The following MGMT variants were observed in gnomAD, a reference collection of about 807,000 sequenced individuals.
MGMT encodes methylated-DNA--protein-cysteine methyltransferase.
MGMT carries 14 observed loss-of-function variants against 15.9 expected under a neutral mutation model. The observed-to-expected ratio is 0.88, with a 90% CI of 0.58 to 1.37. The LOEUF (loss-of-function observed/expected upper bound fraction) is 1.37. Among genes scored for constraint, MGMT ranks in the 40% most tolerant of loss-of-function variants. MGMT has a pLI of 0.00. For missense variants in MGMT, 282 were observed against 268.1 expected, an observed-to-expected ratio of 1.05 and a Z score of -0.36; for synonymous variants, 130 against 118.2, an observed-to-expected ratio of 1.10 and a Z score of -0.65.
chr10:129,612,350 A>G (rs1365236957), intron 2 of MGMT, among the ~76,000 whole-genome samples: 3 of 152,232 alleles, frequency 2.0e-5, no homozygotes, highest in East Asian at 1.9e-4. Flanking sequence ...ATAGCGAAGC[A>G]TATCCAACCC....
chr10:129,626,161 C>T (rs971548999), intron 2 of MGMT, among the ~76,000 whole-genome samples: 2 of 152,138 alleles, frequency 1.3e-5, no homozygotes, highest in Non-Finnish European at 2.9e-5. Flanking sequence ...AACTGCTCCG[C>T]GCTTGGGAAG....
chr10:129,674,083 G>A (rs973577789), intron 2 of MGMT, among the ~76,000 whole-genome samples: 4 of 152,154 alleles, frequency 2.6e-5, no homozygotes, highest in South Asian at 4.1e-4. Flanking sequence ...TCTACAGGAA[G>A]TTGTTGCCAC....
chr10:129,739,144 G>A (rs1201029811), intron 3 of MGMT, among the ~76,000 whole-genome samples: 3 of 152,136 alleles, frequency 2.0e-5, no homozygotes, highest in East Asian at 3.9e-4. Context: ...AGGTATTGAC[G>A]GAACGTATCT....
chr10:129,567,466 CG>C (rs1846369592), intron 2 of MGMT, among the ~76,000 whole-genome samples: 1 of 151,948 alleles, frequency 6.6e-6, no homozygotes, highest in African/African-American at 2.4e-5. Flanking sequence ...GGGGTCCCGG[CG>C]AGAAAGAGCC....
intron 1 of MGMT, among the ~76,000 whole-genome samples, chr10:129,517,228 A>T (rs1024397323): frequency 5.9e-5 from 9 of 152,062 alleles, no homozygotes; most frequent in African/African-American, 1.7e-4. Context: ...TTCTGAATGG[A>T]CCTCAGAGGT....
At chr10:129,485,765 G>C (rs931739558) in intron 1 of MGMT, among the ~76,000 whole-genome samples, 1 of 152,208 alleles carries the variant, frequency 6.6e-6, no homozygotes, top group Non-Finnish European at 1.5e-5. Context: ...GCTCTGTCAT[G>C]GCTAGAAGTG....
chr10:129,675,571 C>T (rs556972712), intron 2 of MGMT, among the ~76,000 whole-genome samples: 26 of 152,110 alleles, frequency 1.7e-4, no homozygotes, highest in Non-Finnish European at 2.8e-4. Flanking sequence ...AGCAGGAAGC[C>T]AGGAGTGGCG....
intron 3 of MGMT, among the ~76,000 whole-genome samples, chr10:129,732,610 G>C (rs1249640246): frequency 3.3e-5 from 5 of 150,372 alleles, no homozygotes; most frequent in Non-Finnish European, 7.4e-5. Flanking sequence ...ATAATGTGCA[G>C]GTTAGTTACA....
chr10:129,572,162 G>A (rs544376063), intron 2 of MGMT, among the ~76,000 whole-genome samples: 62 of 152,162 alleles, frequency 4.1e-4, no homozygotes, highest in African/African-American at 1.5e-3. Flanking sequence ...TTAAATAAAC[G>A]GCTTTGATGT....
At chr10:129,731,091 C>A (rs150467789) in intron 3 of MGMT, among the ~76,000 whole-genome samples, 17 of 152,242 alleles carry the variant, frequency 1.1e-4, no homozygotes, top group Non-Finnish European at 2.2e-4. Context: ...GGTCCATTTC[C>A]GAGGGCTGGT....
At chr10:129,473,302 G>C (rs1184052724) in intron 1 of MGMT, among the ~76,000 whole-genome samples, 2 of 152,192 alleles carry the variant, frequency 1.3e-5, no homozygotes, top group Non-Finnish European at 1.5e-5. Context: ...GTGGAAATGG[G>C]CCTTATTTTT....
At chr10:129,650,750 C>T (rs1367263662) in intron 2 of MGMT, among the ~76,000 whole-genome samples, 1 of 152,284 alleles carries the variant, frequency 6.6e-6, no homozygotes, top group East Asian at 1.9e-4. Context: ...TTCTCGGTCA[C>T]ACACTGTGAA....
Position 129,594,653 on chromosome 10 carries a change from G to A in MGMT, c.125+58276G>A, listed in dbSNP as rs565619417. Among the ~76,000 whole-genome samples the A allele has an allele frequency of 6.6e-5, 10 of 152,284 alleles. No individual in the cohort carries two copies. The South Asian group carries it at 1.9e-3, about 28-fold the overall frequency. ...AAATTGTTCCCATCAGCTCCAGCGC[G>A]TGAAAGACAATACGAACAGTAACAC... On this transcript the variant is annotated intron_variant, in intron 2 of 4. Coordinates refer to ENST00000651593, the MANE Select transcript of MGMT (RefSeq NM_002412.5).
chr10:129,731,643 C>G (rs1848499317), intron 3 of MGMT, among the ~76,000 whole-genome samples: 1 of 152,100 alleles, frequency 6.6e-6, no homozygotes, highest in Admixed American at 6.6e-5. Context: ...ATCCACCTGC[C>G]TCGGCCTCCC....
At chr10:129,545,753 T>A (rs889187375) in intron 2 of MGMT, among the ~76,000 whole-genome samples, 2 of 152,380 alleles carry the variant, frequency 1.3e-5, no homozygotes, top group Middle Eastern at 6.8e-3. Flanking sequence ...TGTAAGATTT[T>A]CTGATATTTA....
At chr10:129,555,553 T>TAA (rs200975717) in intron 2 of MGMT, among the ~76,000 whole-genome samples, 1 of 145,258 alleles carries the variant, frequency 6.9e-6, no homozygotes, top group Non-Finnish European at 1.5e-5. Flanking sequence ...CAAAAAAACT[T>TAA]AAAAAAAAAA....
chr10:129,468,889 G>A (rs1845200468), intron 1 of MGMT, among the ~76,000 whole-genome samples: 1 of 151,704 alleles, frequency 6.6e-6, no homozygotes, highest in Non-Finnish European at 1.5e-5. Context: ...GTCCTGAAGG[G>A]GAAACAAAAA....
intron 2 of MGMT, among the ~76,000 whole-genome samples, chr10:129,646,882 G>A (rs1053261396): frequency 2.6e-5 from 4 of 151,198 alleles, no homozygotes; most frequent in African/African-American, 9.7e-5. Flanking sequence ...TGAAGGACAG[G>A]CGTGGCAGGC....
chr10:129,767,071 C>T lies in MGMT; in HGVS notation c.*74C>T. 2 of 1,271,992 alleles carry T rather than the reference C, an allele frequency of 1.6e-6. No homozygotes were observed. The highest frequency in any genetic ancestry group is 1.5e-5 in the South Asian group (1 of 65,820). 78.8% of individuals were successfully genotyped at this position (1,271,992 alleles called of 1,614,324 possible). ...CATCGGATGCGGGGCGTGGAGGCAC[C>T]GCTGTATTAAAGGAAGTGGCAGTGT... On this transcript the variant is annotated 3_prime_UTR_variant, in exon 5 of 5. Transcript: ENST00000651593.
Sources: allele counts gnomAD v4.1 joint callset (sites outside exome capture counted in the v4.1 genomes callset), GRCh38; gene constraint gnomAD v4.1.1; transcripts MANE v1.5; gene names NCBI Gene and HGNC (gene_info 2026-07-23, HGNC 2026-07-21).